The following CDH9 variants were observed in gnomAD, a reference collection of about 807,000 sequenced individuals.
CDH9 encodes cadherin 9.
A neutral mutation model predicts 70.9 loss-of-function variants in CDH9; 28 were observed. The observed-to-expected ratio is 0.40, with a 90% CI of 0.29 to 0.54. The LOEUF (loss-of-function observed/expected upper bound fraction) is 0.54. Ranked by LOEUF, CDH9 falls within the 20% of genes least tolerant of loss-of-function variation. CDH9 has a pLI of 0.59. For synonymous variants in CDH9, 409 were observed against 343.1 expected (o/e 1.19, Z -2.12); for missense variants, 874 against 984.4 (o/e 0.89, Z 1.50).
At chr5:26,927,744 C>T (rs1397347171) in intron 2 of CDH9, among the ~76,000 whole-genome samples, 1 of 151,924 alleles carries the variant, frequency 6.6e-6, no homozygotes, top group Non-Finnish European at 1.5e-5. Context: ...ATGGACTCTG[C>T]CCTTAAAGAG....
At position 26,988,032 on chromosome 5, in the gene CDH9, A is replaced by C. The variant is rs543376235; in HGVS notation, c.228+74T>G. ...AAATATTTTTTAATAATCACTAGTG[A>C]AAAGAAAAGTTGCTGGAAAAAAATA... On this transcript the variant is annotated intron_variant, in intron 2 of 11. Transcript: ENST00000231021. The C allele has an allele frequency of 1.3e-5, 14 of 1,060,044 alleles. No individual in the cohort carries two copies. The African/African-American group carries it at 2.2e-4, about 17-fold the overall frequency. 65.7% of individuals were successfully genotyped at this position (1,060,044 alleles called of 1,614,324 possible). A position where few individuals can be genotyped will look rare whatever the true frequency, so the allele number is the denominator to read the frequency against.
intron 1 of CDH9, among the ~76,000 whole-genome samples, chr5:26,993,698 C>CAAAAAAAAAAAAAAAAAAAA (rs34545141): frequency 2.0e-5 from 1 of 51,004 alleles, no homozygotes; most frequent in Non-Finnish European, 3.3e-5. Flanking sequence ...TATTCAGCTG[C>CAAAAAAAAAAAAAAAAAAAA]AAAAAAAAAA....
intron 7 of CDH9, among the ~76,000 whole-genome samples, chr5:26,898,634 C>A (rs1434975382): frequency 1.3e-5 from 2 of 152,130 alleles, no homozygotes; most frequent in Non-Finnish European, 2.9e-5. Flanking sequence ...AAAACTGAAT[C>A]TAGATCCTTT....
At chr5:26,888,820 C>T (rs1740606791) in intron 9 of CDH9, among the ~76,000 whole-genome samples, 1 of 152,106 alleles carries the variant, frequency 6.6e-6, no homozygotes, top group Non-Finnish European at 1.5e-5. Flanking sequence ...CCTGAGTGCT[C>T]TCATATGGCT....
At chr5:26,978,414 C>T (rs897961114) in intron 2 of CDH9, among the ~76,000 whole-genome samples, 2 of 151,640 alleles carry the variant, frequency 1.3e-5, no homozygotes, top group South Asian at 2.1e-4. Context: ...GTAGATTAGA[C>T]ACAGAAACAT....
At chr5:26,952,035 C>T (rs1477665296) in intron 2 of CDH9, among the ~76,000 whole-genome samples, 4 of 144,706 alleles carry the variant, frequency 2.8e-5, no homozygotes, top group African/African-American at 1.1e-4. Flanking sequence ...GGCTGGAGTG[C>T]AGTGGCGCGA....
intron 1 of CDH9, among the ~76,000 whole-genome samples, chr5:27,028,708 T>C (rs1743262177): frequency 6.6e-6 from 1 of 152,018 alleles, no homozygotes; most frequent in African/African-American, 2.4e-5. Flanking sequence ...TAGGTACTGG[T>C]TTATAGATAT....
intron 3 of CDH9, among the ~76,000 whole-genome samples, chr5:26,914,588 C>T (rs1198001967): frequency 6.6e-6 from 1 of 151,970 alleles, no homozygotes; most frequent in African/African-American, 2.4e-5. Flanking sequence ...AATTAGATGA[C>T]ATTTCATTTG....
At chr5:26,975,964 A>G (rs1742297697) in intron 2 of CDH9, among the ~76,000 whole-genome samples, 1 of 152,238 alleles carries the variant, frequency 6.6e-6, no homozygotes, top group Non-Finnish European at 1.5e-5. Flanking sequence ...GAGGAGTCAC[A>G]GAGAGTGAAA....
intron 7 of CDH9, among the ~76,000 whole-genome samples, chr5:26,898,630 G>A (rs549553169): frequency 6.6e-6 from 1 of 152,228 alleles, no homozygotes; most frequent in East Asian, 1.9e-4. Flanking sequence ...GCGGAAAACT[G>A]AATCTAGATC....
intron 2 of CDH9, among the ~76,000 whole-genome samples, chr5:26,967,196 C>T (rs1450536861): frequency 6.6e-6 from 1 of 152,094 alleles, no homozygotes; most frequent in Non-Finnish European, 1.5e-5. Flanking sequence ...TCAGGTGATC[C>T]TCCTGCCTAT....
chr5:27,014,902 C>T (rs1743020097), intron 1 of CDH9, among the ~76,000 whole-genome samples: 1 of 151,736 alleles, frequency 6.6e-6, no homozygotes, highest in Admixed American at 6.6e-5. Flanking sequence ...ATTAATTATC[C>T]TTATCACATC....
chr5:26,982,716 T>C (rs1322937817), intron 2 of CDH9, among the ~76,000 whole-genome samples: 2 of 151,780 alleles, frequency 1.3e-5, no homozygotes, highest in Non-Finnish European at 2.9e-5. Flanking sequence ...TGAGATGGAG[T>C]CTTGCTCCAT....
At chr5:26,972,009 G>T (rs1157644468) in intron 2 of CDH9, among the ~76,000 whole-genome samples, 2 of 152,006 alleles carry the variant, frequency 1.3e-5, no homozygotes, top group East Asian at 3.9e-4. Flanking sequence ...TGTGATTAGG[G>T]GTTAATAATA....
At chr5:26,981,239 T>C (rs1310848921) in intron 2 of CDH9, among the ~76,000 whole-genome samples, 3 of 152,060 alleles carry the variant, frequency 2.0e-5, no homozygotes, top group African/African-American at 7.2e-5. Context: ...GTTCCAGGAA[T>C]CCCTGCAGAT....
intron 2 of CDH9, among the ~76,000 whole-genome samples, chr5:26,942,415 T>C (rs138341268): frequency 8.5e-5 from 13 of 152,306 alleles, no homozygotes; most frequent in Non-Finnish European, 1.6e-4. Context: ...AATCCATTTA[T>C]GAGGTCACAG....
chr5:26,993,935 C>T (rs1035922), intron 1 of CDH9, among the ~76,000 whole-genome samples: 77,714 of 151,854 alleles, frequency 0.51, 21,159 homozygotes, highest in African/African-American at 0.65. Flanking sequence ...GGACTTGGAC[C>T]GCAGAGCACT....
intron 11 of CDH9, 53 bp from the exon 12 acceptor site, chr5:26,881,676 G>T: frequency 6.7e-7 from 1 of 1,503,516 alleles, no homozygotes; most frequent in Non-Finnish European, 9.0e-7. Context: ...GGATAAAATA[G>T]AGTACACTTC....
chr5:26,901,753 T>C (rs1442767384), intron 7 of CDH9, among the ~76,000 whole-genome samples: 1 of 151,872 alleles, frequency 6.6e-6, no homozygotes, highest in Non-Finnish European at 1.5e-5. Context: ...TAAATTCCCC[T>C]TTGAACAATA....
Sources: allele counts gnomAD v4.1 joint callset (sites outside exome capture counted in the v4.1 genomes callset), GRCh38; gene constraint gnomAD v4.1.1; transcripts MANE v1.5; gene names NCBI Gene and HGNC (gene_info 2026-07-23, HGNC 2026-07-21).